The following GRM7 variants were observed in gnomAD, a reference collection of about 807,000 sequenced individuals.
The protein encoded by GRM7 is glutamate metabotropic receptor 7, also known as metabotropic glutamate receptor 7.
GRM7 carries 35 observed loss-of-function variants against 84.5 expected under a neutral mutation model. That is an observed-to-expected ratio of 0.41 (90% CI 0.32 to 0.55). The LOEUF is 0.55. Among genes scored for constraint, GRM7 ranks in the 20% least tolerant of loss-of-function variants. The pLI, the probability that GRM7 is intolerant of heterozygous loss-of-function variation, is 0.19. For missense variants in GRM7, 1,003 were observed against 1,194.6 expected, an observed-to-expected ratio of 0.84 and a Z score of 2.36; for synonymous variants, 487 against 455.1, an observed-to-expected ratio of 1.07 and a Z score of -0.89.
intron 1 of GRM7, among the ~76,000 whole-genome samples, chr3:6,992,824 A>C (rs927532017): frequency 1.3e-5 from 2 of 152,200 alleles, no homozygotes; most frequent in Non-Finnish European, 2.9e-5. Flanking sequence ...GCTAGGTCCC[A>C]TTGGTCAAGC....
chr3:6,879,082 T>C (rs1695416929), intron 1 of GRM7, among the ~76,000 whole-genome samples: 2 of 152,198 alleles, frequency 1.3e-5, no homozygotes, highest in South Asian at 2.1e-4. Flanking sequence ...TAGATTTTTA[T>C]TGAACCAAGC....
intron 1 of GRM7, among the ~76,000 whole-genome samples, chr3:6,918,691 G>C (rs1440573887): frequency 6.6e-6 from 1 of 152,188 alleles, no homozygotes; most frequent in African/African-American, 2.4e-5. Context: ...TCAGTGGATA[G>C]CAGAAGTCAG....
chr3:7,598,379 A>G (rs1021095048), intron 8 of GRM7, among the ~76,000 whole-genome samples: 4 of 152,180 alleles, frequency 2.6e-5, no homozygotes, highest in African/African-American at 7.2e-5. Context: ...TCTCTTTGCC[A>G]CAGTGAACGC....
At chr3:7,582,897 C>T (rs1318089407) in intron 8 of GRM7, among the ~76,000 whole-genome samples, 1 of 152,164 alleles carries the variant, frequency 6.6e-6, no homozygotes, top group Non-Finnish European at 1.5e-5. Context: ...GAACTATTCA[C>T]TTTTCAAGTT....
intron 7 of GRM7, among the ~76,000 whole-genome samples, chr3:7,565,179 A>C (rs1011614584): frequency 6.6e-6 from 1 of 152,216 alleles, no homozygotes; most frequent in African/African-American, 2.4e-5. Flanking sequence ...TTCTAATTAC[A>C]CTTTAACTCA....
intron 1 of GRM7, among the ~76,000 whole-genome samples, chr3:7,120,397 T>A (rs1234998092): frequency 1.3e-5 from 2 of 152,154 alleles, no homozygotes; most frequent in South Asian, 4.1e-4. Flanking sequence ...CTCTCTATCA[T>A]AAGTACTGCC....
intron 7 of GRM7, among the ~76,000 whole-genome samples, chr3:7,500,440 T>C (rs1449654352): frequency 6.6e-6 from 1 of 152,234 alleles, no homozygotes; most frequent in East Asian, 1.9e-4. Context: ...AATTCAGCTC[T>C]TCTGCCAGGG....
At chr3:7,572,031 A>G (rs1398916383) in intron 7 of GRM7, among the ~76,000 whole-genome samples, 1 of 152,130 alleles carries the variant, frequency 6.6e-6, no homozygotes, top group Non-Finnish European at 1.5e-5. Flanking sequence ...CCCACCCCCC[A>G]TAATTCAATC....
intron 7 of GRM7, among the ~76,000 whole-genome samples, chr3:7,549,392 T>C (rs956805102): frequency 7.9e-5 from 12 of 152,194 alleles, no homozygotes; most frequent in African/African-American, 2.2e-4. Flanking sequence ...ATAGTGTTTA[T>C]AGTATGGAAA....
chr3:7,054,706 C>G (rs1229966107), intron 1 of GRM7, among the ~76,000 whole-genome samples: 1 of 151,828 alleles, frequency 6.6e-6, no homozygotes, highest in African/African-American at 2.4e-5. Context: ...ATTTTTCTTA[C>G]TGGTTTTCTC....
At chr3:7,017,902 T>C (rs1182147503) in intron 1 of GRM7, among the ~76,000 whole-genome samples, 1 of 152,228 alleles carries the variant, frequency 6.6e-6, no homozygotes, top group Non-Finnish European at 1.5e-5. Context: ...CTCTTACCTA[T>C]TGTCCTGGTA....
intron 2 of GRM7, among the ~76,000 whole-genome samples, chr3:7,243,948 A>G (rs1258456964): frequency 2.6e-5 from 4 of 152,146 alleles, no homozygotes; most frequent in Non-Finnish European, 5.9e-5. Flanking sequence ...AAAATATAAT[A>G]TAAAAAATAA....
chr3:6,933,729 A>G (rs1007087883), intron 1 of GRM7, among the ~76,000 whole-genome samples: 7 of 146,536 alleles, frequency 4.8e-5, no homozygotes, highest in African/African-American at 1.8e-4. Flanking sequence ...TGGCGAGAAA[A>G]GAAAATTAAA....
At chr3:7,649,896 G>T (rs936443878) in intron 8 of GRM7, among the ~76,000 whole-genome samples, 4 of 151,956 alleles carry the variant, frequency 2.6e-5, no homozygotes, top group Non-Finnish European at 4.4e-5. Context: ...GCCAATATGA[G>T]TTCTGTAATA....
In GRM7 at chr3:7,515,275, C is replaced by T. The variant is rs137971295; in HGVS notation, c.1515+53553C>T. On this transcript the variant is annotated intron_variant, in intron 7 of 9. Transcript: ENST00000357716. ...ACTCAGTTTCTTAACTTCAGGACTACGGACGTTTTGAGCCTGATAGTTTTT... is the reference window on the plus strand; with the variant it reads ...ACTCAGTTTCTTAACTTCAGGACTATGGACGTTTTGAGCCTGATAGTTTTT... Among the ~76,000 whole-genome samples, 391 of 151,058 alleles carry T rather than the reference C, an allele frequency of 2.6e-3. 4 individuals are homozygous for T. The highest frequency in any genetic ancestry group is 3.8e-3 in the Non-Finnish European group (257 of 67,826).
intron 8 of GRM7, among the ~76,000 whole-genome samples, chr3:7,675,779 G>C (rs1354914504): frequency 6.6e-6 from 1 of 152,156 alleles, no homozygotes; most frequent in Admixed American, 6.5e-5. Context: ...CGTATCCTTA[G>C]ATCTAAACCC....
rs535671978 is a variant in GRM7 at position 6,894,827 on chromosome 3, G to A, written c.519+32920G>A. Among the ~76,000 whole-genome samples, 10 of 152,262 alleles carry A rather than the reference G, an allele frequency of 6.6e-5. No homozygotes were observed. In the South Asian group the frequency reaches 1.5e-3, roughly 22 times the overall value. On this transcript the variant is annotated intron_variant, in intron 1 of 9. Transcript: ENST00000357716. Reference sequence around the variant, plus strand: ...GAACACTATAATTAAACATGCAGTTGTAGAGATGCCCTGGCTGTATTATTC... The same window carrying A: ...GAACACTATAATTAAACATGCAGTTATAGAGATGCCCTGGCTGTATTATTC...
intron 2 of GRM7, among the ~76,000 whole-genome samples, chr3:7,258,078 G>T (rs1474639871): frequency 6.6e-6 from 1 of 152,026 alleles, no homozygotes; most frequent in Admixed American, 6.6e-5. Context: ...GGCTACTCAG[G>T]CCCAGAGAAG....
intron 2 of GRM7, among the ~76,000 whole-genome samples, chr3:7,236,992 A>G (rs1697370253): frequency 6.6e-6 from 1 of 151,606 alleles, no homozygotes; most frequent in Non-Finnish European, 1.5e-5. Flanking sequence ...AAAAAAGGAA[A>G]TAAATTATTA....
Sources: allele counts gnomAD v4.1 joint callset (sites outside exome capture counted in the v4.1 genomes callset), GRCh38; gene constraint gnomAD v4.1.1; transcripts MANE v1.5; gene names NCBI Gene and HGNC (gene_info 2026-07-23, HGNC 2026-07-21).